Variants in DNAH6 observed in about 807,000 individuals in gnomAD.
DNAH6 encodes the protein dynein axonemal heavy chain 6, also known as axonemal beta dynein heavy chain 6.
DNAH6 carries 340 observed loss-of-function variants against 491.4 expected under a neutral mutation model. That is an observed-to-expected ratio of 0.69 (90% CI 0.63 to 0.76). The LOEUF (loss-of-function observed/expected upper bound fraction) is 0.76, where lower values mean the gene tolerates loss of function less well. Among genes scored for constraint, DNAH6 ranks in the 30% least tolerant of loss-of-function variants. The pLI is 0.00. For synonymous variants in DNAH6, 1,603 were observed against 1,686.1 expected, an observed-to-expected ratio of 0.95 and a Z score of 1.21; for missense variants, 4,443 against 4,972.2, an observed-to-expected ratio of 0.89 and a Z score of 3.20.
chr2:84,778,187 GA>G, intron 64 of DNAH6: 1 of 704,254 alleles, frequency 1.4e-6, no homozygotes, highest in Non-Finnish European at 2.6e-6. Flanking sequence ...TCTTCCTGTA[GA>G]AGATTATGAA....
At chr2:84,522,268 C>G (rs1275497450) in intron 2 of DNAH6, among the ~76,000 whole-genome samples, 5 of 151,952 alleles carry the variant, frequency 3.3e-5, no homozygotes, top group African/African-American at 1.2e-4. Flanking sequence ...TTATTTGGCT[C>G]TTGGCTTGAC....
intron 71 of DNAH6, among the ~76,000 whole-genome samples, chr2:84,807,618 G>C (rs1679543621): frequency 6.6e-6 from 1 of 152,158 alleles, no homozygotes; most frequent in Admixed American, 6.5e-5. Flanking sequence ...GTATGGTAGA[G>C]GGGGAGACTT....
At chr2:84,740,950 C>G (rs1003109480) in intron 62 of DNAH6, among the ~76,000 whole-genome samples, 5 of 152,112 alleles carry the variant, frequency 3.3e-5, no homozygotes, top group Non-Finnish European at 5.9e-5. Context: ...CACCTAAGAC[C>G]AAAATGCTTG....
At chr2:84,693,060 T>C (rs1695027453) in intron 45 of DNAH6, among the ~76,000 whole-genome samples, 1 of 152,232 alleles carries the variant, frequency 6.6e-6, no homozygotes. Flanking sequence ...TCTTGATCTT[T>C]GGGTCCGTGG....
chr2:84,800,632 T>G (rs1678794039), intron 70 of DNAH6, among the ~76,000 whole-genome samples: 1 of 151,976 alleles, frequency 6.6e-6, no homozygotes, highest in Non-Finnish European at 1.5e-5. Context: ...TAACAACAGA[T>G]TAGACCAAGC....
intron 33 of DNAH6, among the ~76,000 whole-genome samples, chr2:84,647,931 A>G (rs1448201994): frequency 1.3e-5 from 2 of 152,196 alleles, no homozygotes; most frequent in Non-Finnish European, 2.9e-5. Flanking sequence ...TTGTTTTTTT[A>G]ATAGTTGTTG....
At chr2:84,518,908 G>A (rs532069187) in intron 2 of DNAH6, among the ~76,000 whole-genome samples, 1 of 152,074 alleles carries the variant, frequency 6.6e-6, no homozygotes, top group Non-Finnish European at 1.5e-5. Flanking sequence ...TAAGCCAAAC[G>A]CATGGGCTCA....
the DNAH6 span, among the ~76,000 whole-genome samples, chr2:84,471,583 C>T: frequency 2.6e-5 from 4 of 152,060 alleles, no homozygotes; most frequent in Admixed American, 2.6e-4. Context: ...CTGGTCGGTC[C>T]TCATTCCATC....
chr2:84,606,384 A>G (rs1159555399), intron 20 of DNAH6, among the ~76,000 whole-genome samples: 1 of 152,194 alleles, frequency 6.6e-6, no homozygotes, highest in African/African-American at 2.4e-5. Context: ...AAAAGCTTAT[A>G]ATTGAAATGG....
intron 49 of DNAH6, among the ~76,000 whole-genome samples, chr2:84,702,245 G>A (rs1044366834): frequency 6.6e-6 from 1 of 152,118 alleles, no homozygotes; most frequent in Non-Finnish European, 1.5e-5. Flanking sequence ...TAGAAAATAA[G>A]GCTAAAAGAA....
At chr2:84,680,455 T>C (rs1006753667) in intron 41 of DNAH6, among the ~76,000 whole-genome samples, 4 of 150,902 alleles carry the variant, frequency 2.7e-5, no homozygotes, top group African/African-American at 9.9e-5. Context: ...TGTTTTAGAC[T>C]GAGTGGTCAG....
At chr2:84,771,213 G>A (rs1457466588) in intron 64 of DNAH6, among the ~76,000 whole-genome samples, 1 of 151,918 alleles carries the variant, frequency 6.6e-6, no homozygotes, top group Admixed American at 6.6e-5. Flanking sequence ...ACTTGAATCT[G>A]GGAGGCAGAG....
At chr2:84,694,163 CA>C in intron 45 of DNAH6, 85 bp from the exon 46 acceptor site, 1 of 1,244,980 alleles carries the variant, frequency 8.0e-7, no homozygotes, top group Non-Finnish European at 1.1e-6. Flanking sequence ...CTCCACTGGC[CA>C]CCAGCCTTTG....
intron 76 of DNAH6, among the ~76,000 whole-genome samples, chr2:84,817,008 A>C (rs1469313923): frequency 1.3e-5 from 2 of 152,200 alleles, no homozygotes; most frequent in African/African-American, 4.8e-5. Flanking sequence ...TAAAGAATGG[A>C]GGAGAGAGAA....
the DNAH6 span, among the ~76,000 whole-genome samples, chr2:84,510,536 G>A: frequency 5.9e-5 from 9 of 152,120 alleles, no homozygotes; most frequent in East Asian, 3.9e-4. Context: ...CCTTTAGCTC[G>A]GAGTAGTTTG....
At chr2:84,481,950 T>C in the DNAH6 span, among the ~76,000 whole-genome samples, 10,813 of 152,228 alleles carry the variant, frequency 0.071, 1,272 homozygotes, top group African/African-American at 0.25. Context: ...CACCAGACAA[T>C]TGTGGCTCTG....
At chr2:84,799,075 C>T (rs1678630425) in intron 70 of DNAH6, among the ~76,000 whole-genome samples, 1 of 151,798 alleles carries the variant, frequency 6.6e-6, no homozygotes, top group Non-Finnish European at 1.5e-5. Flanking sequence ...GCAACCTCCA[C>T]CTCCCAGGTT....
At chr2:84,593,890 C>G (rs1684337101) in intron 16 of DNAH6, 82 bp from the exon 17 acceptor site, 3 of 713,110 alleles carry the variant, frequency 4.2e-6, no homozygotes, top group Non-Finnish European at 6.7e-6. Context: ...ATCACTGTAC[C>G]AAGAATTACT....
chr2:84,487,124 G>A, the DNAH6 span, among the ~76,000 whole-genome samples: 1 of 152,198 alleles, frequency 6.6e-6, no homozygotes, highest in Non-Finnish European at 1.5e-5. Context: ...AAGAGTAAAT[G>A]TGGTCTGGGA....
Sources: gnomAD v4.1 joint callset for allele counts (sites outside exome capture counted in the v4.1 genomes callset) on GRCh38, gnomAD v4.1.1 for gene constraint, MANE v1.5 for transcripts, NCBI Gene and HGNC (gene_info 2026-07-23, HGNC 2026-07-21) for gene names.